TBC1D19: variants seen among roughly 807,000 people sequenced by gnomAD.
The protein encoded by TBC1D19 is TBC1 domain family, member 19.
Under a neutral mutation model 89.0 loss-of-function variants are expected in TBC1D19, and 60 were observed. That is an observed-to-expected ratio of 0.67 (90% CI 0.55 to 0.84). The LOEUF (loss-of-function observed/expected upper bound fraction) is 0.84. TBC1D19 is among the 40% of genes least tolerant of loss of function. The probability of loss-of-function intolerance (pLI) is 0.00; values close to 1 mark genes in which losing one functional copy is unlikely to be tolerated. For missense variants in TBC1D19, 500 were observed against 610.8 expected (o/e 0.82, Z 1.91); for synonymous variants, 189 against 199.7 (o/e 0.95, Z 0.45).
chr4:26,640,190 A>T lies in TBC1D19; in HGVS notation c.480+3A>T. 1 of 1,602,752 alleles carries T rather than the reference A, an allele frequency of 6.2e-7. No individual in the cohort carries two copies. The highest frequency in any genetic ancestry group is 8.5e-7 in the Non-Finnish European group (1 of 1,170,542). On this transcript the variant is annotated splice_donor_region_variant and intron_variant, in intron 7 of 20. Transcript: ENST00000264866. ...ATGCACCTAAGGATTTTCTTGAGGT[A>T]GGTTCTATTGGATAAATACACATAT...
the TBC1D19 span, among the ~76,000 whole-genome samples, chr4:26,767,140 A>G: frequency 6.6e-6 from 1 of 152,176 alleles, no homozygotes; most frequent in East Asian, 1.9e-4. Context: ...ACTGTACCCC[A>G]GCCTGGGTGA....
chr4:26,851,711 G>A, the TBC1D19 span, among the ~76,000 whole-genome samples: 10 of 152,208 alleles, frequency 6.6e-5, no homozygotes, highest in African/African-American at 1.9e-4. Flanking sequence ...TGAGAAGTAC[G>A]AGTTCTTTTT....
rs149353422 is a variant in TBC1D19 at position 26,743,783 on chromosome 4, C to G, written c.1319+1184C>G. Among the ~76,000 whole-genome samples, 606 of 151,702 alleles carry G rather than the reference C, an allele frequency of 4.0e-3. 7 individuals are homozygous for G. Among genetic ancestry groups the G allele is most frequent in the African/African-American group, 0.014 (564 of 41,504 alleles). On this transcript the variant is annotated intron_variant, in intron 18 of 20. Coordinates refer to ENST00000264866, the MANE Select transcript of TBC1D19 (RefSeq NM_018317.4). ...TTATATTGAGCATAAGACTTTTATT[C>G]TTGTAGTAAATTGACTTCTTTTTGC...
At chr4:26,614,919 G>A (rs868060857) in intron 3 of TBC1D19, among the ~76,000 whole-genome samples, 5 of 152,092 alleles carry the variant, frequency 3.3e-5, no homozygotes, top group African/African-American at 1.2e-4. Flanking sequence ...CTCAAGTGAT[G>A]CACCTGCATT....
rs188852495 is a variant in TBC1D19 at position 26,683,718 on chromosome 4, A to G, written c.860A>G (p.His287Arg). The change falls in exon 12 of 21, where the codon CAT becomes CGT. Residue 287 changes from histidine (H) to arginine (R), a missense_variant. By Grantham distance (29) the His-to-Arg change is conservative (BLOSUM62 0). This residue lies in a region of TBC1D19 where 220 missense variants were observed against 319.1 expected (regional missense o/e 0.69). Coordinates refer to ENST00000264866, the MANE Select transcript of TBC1D19 (RefSeq NM_018317.4). ...CAGCTTAAGACCAATGTGATACAAC[A>G]TGACCTTTTGGTGGACAGTCTAATC... is the stretch of plus-strand genomic sequence containing the variant. The part of the protein sequence containing the change: ...YEQLKTNVIQ[H>R]DLLVDSLIYK... 1 of 1,613,060 alleles carries G rather than the reference A, an allele frequency of 6.2e-7. No individual in the cohort carries two copies. The highest frequency in any genetic ancestry group is 2.2e-5 in the East Asian group (1 of 44,768).
At chr4:26,724,911 C>T (rs1717211554) in intron 15 of TBC1D19, among the ~76,000 whole-genome samples, 1 of 152,210 alleles carries the variant, frequency 6.6e-6, no homozygotes, top group Non-Finnish European at 1.5e-5. Context: ...TTTATTCCTT[C>T]TCCTAGGTGG....
At chr4:26,720,729 G>A (rs1440210463) in intron 15 of TBC1D19, among the ~76,000 whole-genome samples, 3 of 152,044 alleles carry the variant, frequency 2.0e-5, no homozygotes, top group African/African-American at 7.2e-5. Flanking sequence ...TTTTACTCCA[G>A]CAGAGTTAAG....
At chr4:26,640,277 G>C (rs1743413003) in intron 7 of TBC1D19, 90 bp downstream of exon 7, 7 of 1,109,876 alleles carry the variant, frequency 6.3e-6, no homozygotes, top group Non-Finnish European at 9.4e-6. Flanking sequence ...AGAGGGATTA[G>C]CATGTAAAAA....
chr4:26,750,719 A>G (rs892351687), intron 19 of TBC1D19, among the ~76,000 whole-genome samples: 2 of 152,256 alleles, frequency 1.3e-5, no homozygotes, highest in African/African-American at 2.4e-5. Flanking sequence ...ACAGGGAAGA[A>G]TTCTGGAACA....
intron 9 of TBC1D19, among the ~76,000 whole-genome samples, chr4:26,669,650 A>G (rs1712115591): frequency 6.6e-6 from 1 of 151,802 alleles, no homozygotes; most frequent in Admixed American, 6.6e-5. Flanking sequence ...TTGTTATTTC[A>G]TACTACTTTG....
intron 4 of TBC1D19, among the ~76,000 whole-genome samples, chr4:26,631,087 T>C (rs1742776833): frequency 6.6e-6 from 1 of 152,048 alleles, no homozygotes; most frequent in Non-Finnish European, 1.5e-5. Context: ...TTGCAAGAGA[T>C]ACCTTGGAAA....
intron 3 of TBC1D19, 114 bp from the exon 4 acceptor site, chr4:26,620,499 G>T: frequency 1.2e-6 from 1 of 826,208 alleles, no homozygotes; most frequent in Non-Finnish European, 1.9e-6. Flanking sequence ...AGTACATTTT[G>T]AATATAAAAT....
At chr4:26,641,413 C>T (rs1256277442) in intron 7 of TBC1D19, among the ~76,000 whole-genome samples, 1 of 152,180 alleles carries the variant, frequency 6.6e-6, no homozygotes, top group Admixed American at 6.5e-5. Flanking sequence ...ACCAAAACCC[C>T]ATCTGTAGGT....
rs1739274080 is a variant in TBC1D19 at position 26,584,297 on chromosome 4, G to C, written c.99+5G>C. On this transcript the variant is annotated splice_donor_5th_base_variant and intron_variant, in intron 1 of 20. Coordinates refer to ENST00000264866, the MANE Select transcript of TBC1D19 (RefSeq NM_018317.4). ...CAGCTGGAACGGCAGGCCTGGGTAA[G>C]TGAGGCCGAGTGGGAAGGGATGCAG... is the stretch of plus-strand genomic sequence containing the variant. The C allele has an allele frequency of 6.2e-7, 1 of 1,604,536 alleles. No homozygotes were observed. The highest frequency in any genetic ancestry group is 8.5e-7 in the Non-Finnish European group (1 of 1,176,100).
chr4:26,753,683 A>G, intron 19 of TBC1D19, 137 bp from the exon 20 acceptor site: 3 of 772,894 alleles, frequency 3.9e-6, no homozygotes, highest in Non-Finnish European at 6.3e-6. Context: ...ACCTTAATTC[A>G]GAATGCGGGG....
chr4:26,645,328 C>G (rs567836736), intron 7 of TBC1D19, among the ~76,000 whole-genome samples: 1 of 152,162 alleles, frequency 6.6e-6, no homozygotes, highest in Admixed American at 6.5e-5. Context: ...TGGAACAGAA[C>G]AGCAGCCTCA....
At chr4:26,775,752 C>G in the TBC1D19 span, among the ~76,000 whole-genome samples, 1 of 152,130 alleles carries the variant, frequency 6.6e-6, no homozygotes, top group African/African-American at 2.4e-5. Context: ...CAAATTCATA[C>G]AGGAAAGCCA....
At chr4:26,601,419 A>T (rs1395264667) in intron 1 of TBC1D19, among the ~76,000 whole-genome samples, 1 of 152,168 alleles carries the variant, frequency 6.6e-6, no homozygotes, top group African/African-American at 2.4e-5. Flanking sequence ...AACACTTCCT[A>T]TGTGCCAGTT....
chr4:26,686,563 A>G (rs970722303), intron 12 of TBC1D19, among the ~76,000 whole-genome samples: 1 of 152,178 alleles, frequency 6.6e-6, no homozygotes, highest in African/African-American at 2.4e-5. Context: ...CTTCTCTCTA[A>G]TAAGAAAAAG....
Sources: gnomAD v4.1 joint callset for allele counts (sites outside exome capture counted in the v4.1 genomes callset) on GRCh38, gnomAD v4.1.1 for gene constraint, gnomAD v4.1.1 regional missense constraint, MANE v1.5 for transcripts, NCBI Gene and HGNC (gene_info 2026-07-23, HGNC 2026-07-21) for gene names.